Variants in MYL10 observed in about 807,000 individuals in gnomAD.
MYL10 encodes myosin regulatory light chain 10.
MYL10 carries 18 observed loss-of-function variants against 21.9 expected under a neutral mutation model. The ratio of observed to expected loss-of-function variants is 0.82; its 90% CI spans 0.57 to 1.22. The LOEUF (loss-of-function observed/expected upper bound fraction) is 1.22, where lower values mean the gene tolerates loss of function less well. MYL10 is among the 50% of genes most tolerant of loss of function. The probability of loss-of-function intolerance (pLI) is 0.00; values close to 1 mark genes in which losing one functional copy is unlikely to be tolerated. For synonymous variants in MYL10, 88 were observed against 82.8 expected (o/e 1.06, Z -0.34); for missense variants, 225 against 230.4 (o/e 0.98, Z 0.15).
chr7:101,618,755 G>A (rs530849529), intron 5 of MYL10, among the ~76,000 whole-genome samples: 12 of 151,946 alleles, frequency 7.9e-5, no homozygotes, highest in Admixed American at 4.6e-4. Context: ...GTCTGGCCAC[G>A]TCTGCATGAC....
chr7:101,621,783 A>G (rs1288109603), intron 5 of MYL10, among the ~76,000 whole-genome samples: 1 of 152,048 alleles, frequency 6.6e-6, no homozygotes, highest in African/African-American at 2.4e-5. Flanking sequence ...ATGAAGTTTC[A>G]TTATATCACC....
intron 4 of MYL10, 58 bp downstream of exon 4, chr7:101,622,939 C>G (rs1265064923): frequency 2.6e-6 from 4 of 1,533,052 alleles, no homozygotes; most frequent in Non-Finnish European, 2.7e-6. Context: ...CTGGCCCCAA[C>G]CGCCCACTCT....
In MYL10 at chr7:101,613,528, G is replaced by A; in HGVS notation, c.628C>T (p.Leu210=). ...AAFPPDVCGN[L]DYRNLCYVIT... ...ACGTAGCACAGGTTTCTGTAGTCCA[G>A]GTTGCCGCACACATCTGGGGGAAAT... is the stretch of plus-strand genomic sequence containing the variant. Residue 210 remains leucine, a synonymous_variant, in exon 8 of 8, where the codon CTG becomes TTG. Coordinates refer to ENST00000223167, the MANE Select transcript of MYL10 (RefSeq NM_138403.5). The A allele has an allele frequency of 1.2e-6, 2 of 1,614,150 alleles. No individual in the cohort carries two copies. Among genetic ancestry groups the A allele is most frequent in the Middle Eastern group, 1.6e-4 (1 of 6,062 alleles).
chr7:101,624,469 T>C (rs1186232738), intron 1 of MYL10, among the ~76,000 whole-genome samples: 1 of 152,190 alleles, frequency 6.6e-6, no homozygotes, highest in African/African-American at 2.4e-5. Flanking sequence ...CTGCACGGCG[T>C]GCACCCCCAC....
intron 1 of MYL10, among the ~76,000 whole-genome samples, chr7:101,625,539 C>G (rs1256013597): frequency 6.6e-6 from 1 of 151,938 alleles, no homozygotes; most frequent in African/African-American, 2.4e-5. Context: ...TCCCCCAACG[C>G]CTGTGTGGTC....
At chr7:101,622,253 G>A in intron 4 of MYL10, 53 bp from the exon 5 acceptor site, 2 of 1,400,598 alleles carry the variant, frequency 1.4e-6, no homozygotes, top group Non-Finnish European at 2.0e-6. Context: ...CAGAGCTTGG[G>A]CCTCGGAGGA....
chr7:101,626,172 T>C lies in MYL10; in HGVS notation c.79-1908A>G, dbSNP rs1200435119. On this transcript the variant is annotated intron_variant, in intron 1 of 7. Transcript: ENST00000223167. ...GCTTGGCTGCTCCCAGCCTCCGTGA[T>C]GTTAAGAAATTCACTTGTCTTCTCT... Among the ~76,000 whole-genome samples the C allele has an allele frequency of 2.6e-5, 4 of 152,180 alleles. No individual in the cohort carries two copies. The East Asian group carries it at 5.8e-4, about 22-fold the overall frequency.
chr7:101,619,709 G>A (rs978195519), intron 5 of MYL10, among the ~76,000 whole-genome samples: 5 of 151,940 alleles, frequency 3.3e-5, no homozygotes, highest in African/African-American at 1.2e-4. Context: ...CTAACACAGT[G>A]AAACCCCATC....
intron 1 of MYL10, among the ~76,000 whole-genome samples, chr7:101,626,250 G>T (rs2130744980): frequency 6.6e-6 from 1 of 152,312 alleles, no homozygotes; most frequent in South Asian, 2.1e-4. Context: ...CAAAGCATCA[G>T]GACATGTATT....
At chr7:101,622,009 G>T in intron 5 of MYL10, 87 bp downstream of exon 5, 3 of 1,009,426 alleles carry the variant, frequency 3.0e-6, no homozygotes, top group Non-Finnish European at 4.6e-6. Context: ...CACCTGTGGT[G>T]TGTATGTGTG....
chr7:101,614,905 G>A (rs1796590473), intron 6 of MYL10, among the ~76,000 whole-genome samples: 2 of 152,282 alleles, frequency 1.3e-5, no homozygotes, highest in Admixed American at 1.3e-4. Context: ...GCCTGGGCCT[G>A]GGGAGGAATC....
chr7:101,616,518 C>T (rs1425230639), intron 5 of MYL10, among the ~76,000 whole-genome samples: 2 of 152,220 alleles, frequency 1.3e-5, no homozygotes, highest in African/African-American at 4.8e-5. Context: ...TAATCATAGA[C>T]AAGGGTACCA....
chr7:101,621,869 A>G (rs1796682928), intron 5 of MYL10, among the ~76,000 whole-genome samples: 1 of 152,132 alleles, frequency 6.6e-6, no homozygotes. Flanking sequence ...TACAGGCGTG[A>G]GCCACCATGC....
intron 4 of MYL10, 91 bp downstream of exon 4, chr7:101,622,906 C>T (rs560884292): frequency 2.8e-5 from 33 of 1,197,974 alleles, no homozygotes; most frequent in African/African-American, 1.8e-4. Context: ...GAGCCTCTCA[C>T]GCTCACCGCG....
chr7:101,625,596 C>T (rs57990646), intron 1 of MYL10, among the ~76,000 whole-genome samples: 2,645 of 152,098 alleles, frequency 0.017, 78 homozygotes, highest in African/African-American at 0.061. Flanking sequence ...CCCAGGAGCC[C>T]GCGTCGTCGA....
At chr7:101,614,722 C>T (rs897560502) in intron 6 of MYL10, among the ~76,000 whole-genome samples, 2 of 152,140 alleles carry the variant, frequency 1.3e-5, no homozygotes, top group African/African-American at 2.4e-5. Flanking sequence ...CTCCCCATCC[C>T]AGGGGAGTAT....
intron 1 of MYL10, 53 bp from the exon 2 acceptor site, chr7:101,624,317 C>T (rs1796719951): frequency 1.4e-6 from 2 of 1,404,326 alleles, no homozygotes; most frequent in African/African-American, 1.4e-5. Flanking sequence ...AGGGTCAGCC[C>T]CCACCCCCTG....
chr7:101,625,856 C>A (rs746062494), intron 1 of MYL10, among the ~76,000 whole-genome samples: 1 of 152,150 alleles, frequency 6.6e-6, no homozygotes, highest in African/African-American at 2.4e-5. Context: ...GAGGTTCTGC[C>A]CTTTCTCTGG....
intron 5 of MYL10, among the ~76,000 whole-genome samples, chr7:101,617,715 A>T (rs1239349621): frequency 6.6e-6 from 1 of 151,256 alleles, no homozygotes; most frequent in Non-Finnish European, 1.5e-5. Flanking sequence ...ATCAGATTAG[A>T]TCAGGGCCTC....
Sources: gnomAD v4.1 joint callset for allele counts (sites outside exome capture counted in the v4.1 genomes callset) on GRCh38, gnomAD v4.1.1 for gene constraint, MANE v1.5 for transcripts, NCBI Gene and HGNC (gene_info 2026-07-23, HGNC 2026-07-21) for gene names.